Variants in GATAD2A observed in about 807,000 individuals in gnomAD.
GATAD2A encodes GATA zinc finger domain containing 2A.
Under a neutral mutation model 68.5 loss-of-function variants are expected in GATAD2A, and 12 were observed. The observed-to-expected ratio is 0.18, with a 90% CI of 0.11 to 0.28. The LOEUF is 0.28. GATAD2A is among the 10% of genes least tolerant of loss of function. The pLI is 1.00. For missense variants in GATAD2A, 755 were observed against 868.5 expected, an observed-to-expected ratio of 0.87 and a Z score of 1.64; for synonymous variants, 410 against 375.3, an observed-to-expected ratio of 1.09 and a Z score of -1.07.
intron 1 of GATAD2A, among the ~76,000 whole-genome samples, chr19:19,395,108 TC>T (rs1323549137): frequency 3.3e-5 from 5 of 152,268 alleles, no homozygotes; most frequent in Admixed American, 2.0e-4. Context: ...CCTCCTGACT[TC>T]CTGTTCTCCC....
intron 1 of GATAD2A, among the ~76,000 whole-genome samples, chr19:19,390,615 A>G (rs1319146528): frequency 6.6e-6 from 1 of 152,034 alleles, no homozygotes; most frequent in African/African-American, 2.4e-5. Flanking sequence ...GTAATTTGTG[A>G]ATTAAGGGCA....
intron 1 of GATAD2A, among the ~76,000 whole-genome samples, chr19:19,433,553 A>G (rs185752821): frequency 6.9e-4 from 105 of 152,276 alleles, no homozygotes; most frequent in Non-Finnish European, 1.4e-3. Flanking sequence ...TGACCCATGA[A>G]CAAGACACAT....
intron 8 of GATAD2A, among the ~76,000 whole-genome samples, chr19:19,500,006 C>T (rs572835444): frequency 1.3e-5 from 2 of 152,322 alleles, no homozygotes; most frequent in Admixed American, 6.5e-5. Flanking sequence ...GATTGGGGGC[C>T]GAGTTGGGAC....
intron 1 of GATAD2A, among the ~76,000 whole-genome samples, chr19:19,450,325 G>A (rs941353650): frequency 6.6e-6 from 1 of 152,336 alleles, no homozygotes; most frequent in African/African-American, 2.4e-5. Context: ...GGAGGCGGTA[G>A]ATGCCCCTCT....
At chr19:19,477,266 A>G (rs1027730387) in intron 2 of GATAD2A, among the ~76,000 whole-genome samples, 6 of 152,144 alleles carry the variant, frequency 3.9e-5, no homozygotes, top group Admixed American at 2.0e-4. Flanking sequence ...AGATGTTGCT[A>G]TGTGCCTCCC....
chr19:19,397,941 T>C (rs2049386205), intron 1 of GATAD2A, among the ~76,000 whole-genome samples: 1 of 152,218 alleles, frequency 6.6e-6, no homozygotes, highest in Non-Finnish European at 1.5e-5. Flanking sequence ...TTTGCTCTTG[T>C]TGCCCATGCT....
At chr19:19,485,087 C>T (rs2059344620) in intron 2 of GATAD2A, among the ~76,000 whole-genome samples, 1 of 152,192 alleles carries the variant, frequency 6.6e-6, no homozygotes, top group African/African-American at 2.4e-5. Flanking sequence ...TGGGGGGCCT[C>T]TGTGCAGGCT....
chr19:19,475,929 C>T (rs1339388351), intron 2 of GATAD2A, among the ~76,000 whole-genome samples: 5 of 152,194 alleles, frequency 3.3e-5, no homozygotes, highest in African/African-American at 1.2e-4. Context: ...TTCTAACTCC[C>T]CAAGTCCTCA....
At chr19:19,477,495 G>A (rs150221189) in intron 2 of GATAD2A, among the ~76,000 whole-genome samples, 13 of 152,206 alleles carry the variant, frequency 8.5e-5, no homozygotes, top group Admixed American at 2.0e-4. Flanking sequence ...GTCTGCAGGC[G>A]GTGTGGGAAG....
chr19:19,406,680 A>G (rs761269482), intron 1 of GATAD2A, among the ~76,000 whole-genome samples: 18 of 152,002 alleles, frequency 1.2e-4, no homozygotes, highest in Non-Finnish European at 1.6e-4. Flanking sequence ...TCCCACCTAG[A>G]GTGGGTCGGC....
intron 1 of GATAD2A, among the ~76,000 whole-genome samples, chr19:19,416,788 G>A (rs2051695896): frequency 6.6e-6 from 1 of 151,604 alleles, no homozygotes; most frequent in African/African-American, 2.4e-5. Context: ...TTGAGGCGGA[G>A]TTTCGCTCTT....
At chr19:19,454,427 A>G (rs2056724965) in intron 1 of GATAD2A, among the ~76,000 whole-genome samples, 1 of 151,674 alleles carries the variant, frequency 6.6e-6, no homozygotes, top group Admixed American at 6.6e-5. Context: ...GTGAAATCCC[A>G]TCTGTTCCAA....
chr19:19,422,220 A>G (rs1771632284), intron 1 of GATAD2A, among the ~76,000 whole-genome samples: 2 of 152,210 alleles, frequency 1.3e-5, no homozygotes, highest in Admixed American at 6.5e-5. Flanking sequence ...CAGCAAGGAA[A>G]ACGCCATTTG....
chr19:19,411,812 C>T (rs1324280616), intron 1 of GATAD2A, among the ~76,000 whole-genome samples: 1 of 152,204 alleles, frequency 6.6e-6, no homozygotes, highest in Non-Finnish European at 1.5e-5. Flanking sequence ...CTTTCTCCCC[C>T]CAGATGTCAA....
upstream of GATAD2A, among the ~76,000 whole-genome samples, chr19:19,400,887 C>T (rs901618133): frequency 6.6e-6 from 1 of 152,034 alleles, no homozygotes; most frequent in Admixed American, 6.6e-5. Context: ...GTGGCTCCTG[C>T]CTGTAATCCC....
chr19:19,452,295 C>G (rs1173075750), intron 1 of GATAD2A, among the ~76,000 whole-genome samples: 1 of 152,140 alleles, frequency 6.6e-6, no homozygotes, highest in Admixed American at 6.6e-5. Flanking sequence ...ATCCCACAGC[C>G]CAGGTGGGGC....
intron 8 of GATAD2A, 43 bp from the exon 9 acceptor site, chr19:19,501,075 C>T (rs1033549060): frequency 4.5e-6 from 7 of 1,554,422 alleles, no homozygotes; most frequent in Non-Finnish European, 4.4e-6. Context: ...CCCTGACTGT[C>T]GTCCTGGCCC....
chr19:19,503,736 G>A (rs931262434), intron 11 of GATAD2A, among the ~76,000 whole-genome samples: 2 of 151,998 alleles, frequency 1.3e-5, no homozygotes, highest in Non-Finnish European at 2.9e-5. Context: ...GGATTAGAGG[G>A]AAAATAAATA....
At chr19:19,491,459 G>A (rs1410056493) in intron 2 of GATAD2A, among the ~76,000 whole-genome samples, 5 of 152,196 alleles carry the variant, frequency 3.3e-5, no homozygotes, top group Non-Finnish European at 5.9e-5. Context: ...GGAATCATGA[G>A]AACTGTCTCA....
Sources: allele counts gnomAD v4.1 joint callset (sites outside exome capture counted in the v4.1 genomes callset), GRCh38; gene constraint gnomAD v4.1.1; transcripts MANE v1.5; gene names NCBI Gene and HGNC (gene_info 2026-07-23, HGNC 2026-07-21).